The following TBC1D31 variants were observed in gnomAD, a reference collection of about 807,000 sequenced individuals.
TBC1D31 encodes the protein TBC1 domain family member 31.
In TBC1D31, 99 loss-of-function variants were observed where a neutral mutation model predicts 132.9. The ratio of observed to expected loss-of-function variants is 0.74; its 90% CI spans 0.63 to 0.88. The LOEUF (loss-of-function observed/expected upper bound fraction) is 0.88, where lower values mean the gene tolerates loss of function less well. Among genes scored for constraint, TBC1D31 ranks in the 40% least tolerant of loss-of-function variants. The pLI, the probability that TBC1D31 is intolerant of heterozygous loss-of-function variation, is 0.00. For synonymous variants in TBC1D31, 385 were observed against 419.4 expected (o/e 0.92, Z 1.00); for missense variants, 1,134 against 1,256.6 (o/e 0.90, Z 1.48).
At chr8:123,092,808 A>ATTTTTTTTTTTTTTTTTT (rs71573666) in intron 4 of TBC1D31, among the ~76,000 whole-genome samples, 2 of 103,558 alleles carry the variant, frequency 1.9e-5, no homozygotes, top group South Asian at 3.1e-4. Flanking sequence ...CACCCGGCTA[A>ATTTTTTTTTTTTTTTTTT]TTTTTTTTTT....
chr8:123,074,487 C>G lies in TBC1D31; in HGVS notation c.77+1641C>G, dbSNP rs547038276. ...TAAAGTGGGGATTCCTCAAGTTTTT[C>G]ATTTTCAAATTCTGAGTTTGTGTGA... On this transcript the variant is annotated intron_variant, in intron 1 of 21. Coordinates refer to ENST00000287380, the MANE Select transcript of TBC1D31 (RefSeq NM_145647.4). Among the ~76,000 whole-genome samples, 14 of 152,276 alleles carry G rather than the reference C, an allele frequency of 9.2e-5. No homozygotes were observed. In the South Asian group the frequency reaches 2.9e-3, roughly 32 times the overall value.
Position 123,109,664 on chromosome 8 carries a change from A to G in TBC1D31, c.1436+44A>G. ...AGCAATGTGTATGAGACCTGTAACT[A>G]ATAATTGCAATGTTATAAAATCTCC... On this transcript the variant is annotated intron_variant, in intron 10 of 21. Coordinates refer to ENST00000287380, the MANE Select transcript of TBC1D31 (RefSeq NM_145647.4). 7 of 1,479,662 alleles carry G rather than the reference A, an allele frequency of 4.7e-6. No homozygotes were observed. In the South Asian group the frequency reaches 9.0e-5, roughly 19 times the overall value. 91.7% of individuals were successfully genotyped at this position (1,479,662 alleles called of 1,614,324 possible).
the TBC1D31 span, among the ~76,000 whole-genome samples, chr8:123,158,094 C>T: frequency 7.0e-6 from 1 of 142,544 alleles, no homozygotes; most frequent in South Asian, 2.2e-4. Flanking sequence ...AATGTGTTAA[C>T]TGGGAAGCCC....
chr8:123,157,136 A>G (rs1271138175), downstream of TBC1D31, among the ~76,000 whole-genome samples: 1 of 151,968 alleles, frequency 6.6e-6, no homozygotes. Flanking sequence ...CTCGTCGCAG[A>G]TATGTCTTTT....
chr8:123,131,730 A>G (rs974122093), intron 16 of TBC1D31, among the ~76,000 whole-genome samples: 5 of 151,478 alleles, frequency 3.3e-5, no homozygotes, highest in Non-Finnish European at 5.9e-5. Flanking sequence ...CTAAATTATG[A>G]CAAATTGTTC....
chr8:123,118,912 G>A (rs1006549254), intron 10 of TBC1D31, among the ~76,000 whole-genome samples: 3 of 152,118 alleles, frequency 2.0e-5, no homozygotes, highest in African/African-American at 7.2e-5. Flanking sequence ...TTTTTGTAGA[G>A]ATGAGGTCTC....
rs1821576119 is a variant in TBC1D31, at chr8:123,140,753, T to C, written c.2500-8T>C. ...TTAGTGATTTTTTTTTACAAATGAT[T>C]TTAACAGAATCTTACTGAAAATCAA... On this transcript the variant is annotated splice_region_variant and splice_polypyrimidine_tract_variant and intron_variant, in intron 17 of 21. Transcript: ENST00000287380. 1 of 1,589,618 alleles carries C rather than the reference T, an allele frequency of 6.3e-7. No individual in the cohort carries two copies. The highest frequency in any genetic ancestry group is 2.2e-5 in the East Asian group (1 of 44,762).
intron 20 of TBC1D31, among the ~76,000 whole-genome samples, chr8:123,148,768 A>G (rs1194007225): frequency 1.3e-5 from 2 of 152,198 alleles, no homozygotes; most frequent in Non-Finnish European, 2.9e-5. Flanking sequence ...CTCTAATCCC[A>G]GCACTTTGGG....
intron 7 of TBC1D31, chr8:123,102,466 G>C (rs947099266): frequency 2.5e-5 from 8 of 325,644 alleles, no homozygotes; most frequent in Non-Finnish European, 4.2e-5. Context: ...GTACAGAATA[G>C]CAAACAGACA....
chr8:123,157,308 G>T, the TBC1D31 span, among the ~76,000 whole-genome samples: 2 of 152,164 alleles, frequency 1.3e-5, no homozygotes, highest in African/African-American at 4.8e-5. Flanking sequence ...GAGGCACCTA[G>T]TAAGGGTTTC....
intron 2 of TBC1D31, 61 bp downstream of exon 2, chr8:123,077,318 C>A: frequency 7.0e-7 from 1 of 1,438,454 alleles, no homozygotes; most frequent in Non-Finnish European, 9.4e-7. Flanking sequence ...TGACTGTTTT[C>A]GTACCTGCTA....
chr8:123,126,623 T>C lies in TBC1D31; in HGVS notation c.1820T>C (p.Val607Ala), dbSNP rs200373362. 9 of 1,614,136 alleles carry C rather than the reference T, an allele frequency of 5.6e-6. No individual in the cohort carries two copies. Among genetic ancestry groups the C allele is most frequent in the African/African-American group, 1.3e-5 (1 of 75,058 alleles). ...SNHPSFLLMT[V>A]VAYNICSRTP... ...CATCCTTCCTTCCTTCTGATGACTG[T>C]TGTAGCCTACAACATATGTTCTAGA... Residue 607 changes from valine (V) to alanine (A), a missense_variant, in exon 13 of 22, where the codon GTT becomes GCT. Transcript: ENST00000287380.
At chr8:123,112,984 G>A (rs544283218) in intron 10 of TBC1D31, among the ~76,000 whole-genome samples, 32 of 152,242 alleles carry the variant, frequency 2.1e-4, no homozygotes, top group African/African-American at 5.3e-4. Context: ...GTTGAGAGCC[G>A]TAAATATCTT....
chr8:123,084,119 G>C, intron 3 of TBC1D31, 43 bp from the exon 4 acceptor site: 2 of 1,542,664 alleles, frequency 1.3e-6, no homozygotes, highest in East Asian at 4.5e-5. Flanking sequence ...ACTTCTAGAC[G>C]TACAGTGTTT....
chr8:123,157,651 A>G, the TBC1D31 span, among the ~76,000 whole-genome samples: 11 of 152,282 alleles, frequency 7.2e-5, no homozygotes, highest in South Asian at 2.3e-3. Flanking sequence ...GTTCACAGGA[A>G]CAAACCCAGG....
intron 20 of TBC1D31, among the ~76,000 whole-genome samples, chr8:123,146,595 T>A (rs1027743269): frequency 4.6e-5 from 7 of 152,232 alleles, no homozygotes; most frequent in Non-Finnish European, 1.0e-4. Context: ...TTCTTTCCAA[T>A]TTTTGGCTTC....
the TBC1D31 span, among the ~76,000 whole-genome samples, chr8:123,163,336 T>G: frequency 1.3e-5 from 2 of 151,520 alleles, no homozygotes; most frequent in Non-Finnish European, 2.9e-5. Context: ...GTGGTAAATA[T>G]ATGTAACACA....
chr8:123,157,062 T>A (rs1425551298), downstream of TBC1D31, among the ~76,000 whole-genome samples: 1 of 152,188 alleles, frequency 6.6e-6, no homozygotes, highest in Non-Finnish European at 1.5e-5. Context: ...TCCTGGACAC[T>A]CGGGCCGCAG....
At chr8:123,140,660 A>G (rs1821561053) in intron 17 of TBC1D31, 101 bp from the exon 18 acceptor site, 1 of 957,670 alleles carries the variant, frequency 1.0e-6, no homozygotes, top group African/African-American at 1.7e-5. Context: ...TTAGATGATT[A>G]CAGCTTTTAT....
Sources: allele counts gnomAD v4.1 joint callset (sites outside exome capture counted in the v4.1 genomes callset), GRCh38; gene constraint gnomAD v4.1.1; transcripts MANE v1.5; gene names NCBI Gene and HGNC (gene_info 2026-07-23, HGNC 2026-07-21).